The following IL7 variants were observed in gnomAD, a reference collection of about 807,000 sequenced individuals.
The protein encoded by IL7 is interleukin 7.
Under a neutral mutation model 21.6 loss-of-function variants are expected in IL7, and 3 were observed. The observed-to-expected ratio is 0.14, with a 90% CI of 0.06 to 0.36. The LOEUF (loss-of-function observed/expected upper bound fraction) is 0.36, where lower values mean the gene tolerates loss of function less well. Among genes scored for constraint, IL7 ranks in the 10% least tolerant of loss-of-function variants. The pLI is 1.00. For synonymous variants in IL7, 62 were observed against 68.1 expected (o/e 0.91, Z 0.44); for missense variants, 175 against 200.2 (o/e 0.87, Z 0.76).
intron 1 of IL7, among the ~76,000 whole-genome samples, chr8:78,804,576 C>T (rs1814239122): frequency 6.6e-6 from 1 of 152,220 alleles, no homozygotes; most frequent in Non-Finnish European, 1.5e-5. Context: ...GGGCGCCAGA[C>T]AGAGAGCCTT....
chr8:78,790,905 T>C (rs924334386), intron 2 of IL7, among the ~76,000 whole-genome samples: 5 of 150,638 alleles, frequency 3.3e-5, no homozygotes, highest in Non-Finnish European at 5.9e-5. Context: ...AGTTTATGCA[T>C]GAACCAAAAC....
intron 3 of IL7, among the ~76,000 whole-genome samples, chr8:78,726,920 C>A (rs1347410404): frequency 6.6e-6 from 1 of 151,882 alleles, no homozygotes. Context: ...TCATTTCCTC[C>A]TTCTTCAGTG....
chr8:78,753,794 G>A (rs1185010065), intron 2 of IL7, among the ~76,000 whole-genome samples: 3 of 152,046 alleles, frequency 2.0e-5, no homozygotes, highest in Non-Finnish European at 4.4e-5. Context: ...TCTGCATATG[G>A]CTAGCCAGTT....
intron 1 of IL7, 24 bp from the exon 2 acceptor site, chr8:78,798,232 T>C: frequency 6.4e-7 from 1 of 1,563,154 alleles, no homozygotes; most frequent in East Asian, 2.2e-5. Flanking sequence ...TAAATAAGAA[T>C]GAGCTAAATG....
downstream of IL7, among the ~76,000 whole-genome samples, chr8:78,730,703 A>C (rs1811410814): frequency 6.6e-6 from 1 of 151,988 alleles, no homozygotes; most frequent in African/African-American, 2.4e-5. Context: ...CCATATGTCT[A>C]GCTTTTCCCC....
At chr8:78,804,807 C>T in intron 1 of IL7, 106 bp downstream of exon 1, 2 of 1,323,854 alleles carry the variant, frequency 1.5e-6, no homozygotes, top group Non-Finnish European at 1.1e-6. Context: ...AAGTGCAAGG[C>T]CGGGCTATTC....
intron 3 of IL7, among the ~76,000 whole-genome samples, chr8:78,688,695 A>G (rs1054702198): frequency 6.6e-6 from 1 of 152,142 alleles, no homozygotes; most frequent in African/African-American, 2.4e-5. Flanking sequence ...TGTCAGTGAG[A>G]TATATTTTAA....
chr8:78,704,520 G>A (rs945276801), intron 3 of IL7, among the ~76,000 whole-genome samples: 1 of 151,860 alleles, frequency 6.6e-6, no homozygotes, highest in African/African-American at 2.4e-5. Flanking sequence ...CTCTCTAGCT[G>A]CCTTTAACAT....
chr8:78,735,060 T>C (rs533941373), intron 5 of IL7, among the ~76,000 whole-genome samples: 1 of 152,268 alleles, frequency 6.6e-6, no homozygotes, highest in East Asian at 1.9e-4. Flanking sequence ...AAGGGAAATA[T>C]AAAGGCAAAC....
chr8:78,718,602 T>A (rs944326988), intron 6 of IL7: 1 of 151,910 alleles, frequency 6.6e-6, no homozygotes, highest in African/African-American at 2.4e-5. Flanking sequence ...GAAACACCAT[T>A]CACGTCACAT....
At chr8:78,714,737 C>T (rs1003744877), downstream of IL7, among the ~76,000 whole-genome samples, 2 of 152,140 alleles carry the variant, frequency 1.3e-5, no homozygotes, top group African/African-American at 4.8e-5. Context: ...TATATTAACT[C>T]ATTTATTTTA....
At chr8:78,756,998 T>C (rs1812369908) in intron 2 of IL7, among the ~76,000 whole-genome samples, 2 of 151,968 alleles carry the variant, frequency 1.3e-5, no homozygotes, top group Admixed American at 1.3e-4. Flanking sequence ...TTGAAATCTT[T>C]CCACTTTTTT....
At chr8:78,731,404 T>G (rs12544041), downstream of IL7, among the ~76,000 whole-genome samples, 31,328 of 151,788 alleles carry the variant, frequency 0.21, 3,483 homozygotes, top group Middle Eastern at 0.35. Flanking sequence ...GTTTTAGAAA[T>G]GCTATATTAC....
intron 3 of IL7, among the ~76,000 whole-genome samples, chr8:78,710,337 G>C (rs1323272653): frequency 6.6e-6 from 1 of 152,042 alleles, no homozygotes; most frequent in Non-Finnish European, 1.5e-5. Context: ...TATAATACAA[G>C]TATGGTTAAA....
intron 2 of IL7, among the ~76,000 whole-genome samples, chr8:78,787,146 A>C (rs1053531435): frequency 7.2e-5 from 11 of 152,166 alleles, no homozygotes; most frequent in African/African-American, 2.7e-4. Context: ...CCAAGTTCTG[A>C]GAGCTGCTCT....
intron 3 of IL7, among the ~76,000 whole-genome samples, chr8:78,723,487 C>G (rs1310038811): frequency 1.3e-5 from 2 of 151,962 alleles, no homozygotes; most frequent in African/African-American, 2.4e-5. Context: ...AACGATCTAC[C>G]TAGTTTGCCA....
At chr8:78,804,837 G>A (rs1814255143) in intron 1 of IL7, 76 bp downstream of exon 1, 5 of 1,576,554 alleles carry the variant, frequency 3.2e-6, no homozygotes, top group Non-Finnish European at 4.3e-6. Context: ...CCTAGGAGCA[G>A]GGGCCCCCAG....
chr8:78,798,103 C>G lies in IL7; in HGVS notation c.116G>C (p.Ser39Thr). The change falls in exon 2 of 6, where the codon AGT (serine) becomes ACT (threonine). Residue 39 changes from serine (S) to threonine (T), a missense_variant. Physicochemically the swap from Ser to Thr is moderately conservative, Grantham distance 58. Transcript: ENST00000263851. Reference protein sequence around the residue: ...IEGKDGKQYESVLMVSIDQLL... With the variant: ...IEGKDGKQYETVLMVSIDQLL... The stretch of plus-strand genomic sequence containing the variant: ...TTGATCGATGCTGACCATTAGAACA[C>G]TCTCATATTGTTTGCCATCTTTACC... 1 of 1,612,086 alleles carries G rather than the reference C, an allele frequency of 6.2e-7. No homozygotes were observed. The highest frequency in any genetic ancestry group is 2.2e-5 in the East Asian group (1 of 44,782).
downstream of IL7, among the ~76,000 whole-genome samples, chr8:78,730,464 T>C (rs1473935664): frequency 6.6e-6 from 1 of 151,950 alleles, no homozygotes; most frequent in Non-Finnish European, 1.5e-5. Flanking sequence ...TCACAACAAA[T>C]GAAATTTAGA....
Sources: gnomAD v4.1 joint callset for allele counts (sites outside exome capture counted in the v4.1 genomes callset) on GRCh38, gnomAD v4.1.1 for gene constraint, MANE v1.5 for transcripts, NCBI Gene and HGNC (gene_info 2026-07-23, HGNC 2026-07-21) for gene names.